The following LCORL variants were observed in gnomAD, a reference collection of about 807,000 sequenced individuals.
LCORL encodes the protein ligand dependent nuclear receptor corepressor like, also known as ligand-dependent nuclear receptor corepressor-like protein.
LCORL carries 41 observed loss-of-function variants against 141.8 expected under a neutral mutation model. The ratio of observed to expected loss-of-function variants is 0.29; its 90% CI spans 0.23 to 0.38. The LOEUF (loss-of-function observed/expected upper bound fraction) is 0.38. LCORL is among the 10% of genes least tolerant of loss of function. The pLI is 1.00. For missense variants in LCORL, 1,759 were observed against 2,035.0 expected (o/e 0.86, Z 2.61); for synonymous variants, 618 against 694.1 (o/e 0.89, Z 1.72).
At chr4:17,882,049 T>TA in intron 6 of LCORL, 1 of 984,036 alleles carries the variant, frequency 1.0e-6, no homozygotes, top group African/African-American at 1.7e-5. Context: ...GGGTTAAGTA[T>TA]AGATCTCAGA....
intron 4 of LCORL, among the ~76,000 whole-genome samples, chr4:17,914,606 AG>A (rs1160003757): frequency 2.6e-5 from 4 of 152,226 alleles, no homozygotes; most frequent in Non-Finnish European, 5.9e-5. Context: ...CTGGTTAGTC[AG>A]CCTCTTAAAT....
exon 7 of LCORL, chr4:17,876,036 T>C: frequency 8.1e-7 from 1 of 1,231,154 alleles, no homozygotes; most frequent in Non-Finnish European, 1.0e-6. Flanking sequence ...AACATTTGAA[T>C]GGGAAGTGCC....
At position 17,876,328 on chromosome 4, in the gene LCORL, T is replaced by C. The variant is rs1726918457; in HGVS notation, c.2662A>G (p.Thr888Ala). The change falls in exon 7 of 8, where the codon ACA becomes GCA. Residue 888 changes from threonine to alanine, a missense_variant. Physicochemically the swap from Thr to Ala is moderately conservative, Grantham distance 58 (BLOSUM62 0). Coordinates refer to ENST00000635767, the Ensembl canonical transcript of LCORL. ...TTTGATAAGCTCTGTTCTTTGCATG[T>C]CATTCTATTTAGAGTAAGAGTCATA... The C allele has an allele frequency of 5.7e-6, 7 of 1,231,074 alleles. No homozygotes were observed. In the South Asian group the frequency reaches 1.6e-4, roughly 29 times the overall value. The allele number at this position is 1,231,074 out of a possible 1,614,324, so 76.3% of individuals were successfully genotyped here.
chr4:17,964,445 C>T (rs779586782), intron 2 of LCORL, among the ~76,000 whole-genome samples: 3 of 151,976 alleles, frequency 2.0e-5, no homozygotes, highest in Admixed American at 6.6e-5. Flanking sequence ...AATTACCAGT[C>T]GTTATTTTTT....
Position 17,845,920 on chromosome 4 carries a change from G to C in LCORL, c.5603-19C>G. 1 of 1,571,844 alleles carries C rather than the reference G, an allele frequency of 6.4e-7. No homozygotes were observed. The highest frequency in any genetic ancestry group is 2.3e-5 in the East Asian group (1 of 44,192). On this transcript the variant is annotated intron_variant, in intron 7 of 7. Coordinates refer to ENST00000635767, the Ensembl canonical transcript of LCORL. ...TAGCATGCTGGAAGAAAAAGTGTAA[G>C]GCATTTTAGTTTTACTTTAATTTCA...
intron 4 of LCORL, among the ~76,000 whole-genome samples, chr4:17,916,188 C>T (rs1399049226): frequency 6.6e-6 from 1 of 152,190 alleles, no homozygotes; most frequent in Non-Finnish European, 1.5e-5. Context: ...TTCTTACACA[C>T]TGTTACGTTT....
intron 5 of LCORL, among the ~76,000 whole-genome samples, chr4:17,887,864 T>C (rs1225509863): frequency 6.6e-6 from 1 of 152,038 alleles, no homozygotes; most frequent in East Asian, 1.9e-4. Flanking sequence ...ACACTTGGAA[T>C]TGGTTTCCTC....
At chr4:17,997,213 T>G (rs1389445646) in intron 1 of LCORL, among the ~76,000 whole-genome samples, 2 of 152,180 alleles carry the variant, frequency 1.3e-5, no homozygotes, top group Non-Finnish European at 2.9e-5. Flanking sequence ...AAGTATGTAC[T>G]GGTCTAAATG....
chr4:17,879,211 A>G (rs554504366), intron 6 of LCORL, among the ~76,000 whole-genome samples: 34 of 151,328 alleles, frequency 2.2e-4, no homozygotes, highest in Non-Finnish European at 3.6e-4. Context: ...ATTAAAAATT[A>G]TAAGATTTTT....
chr4:18,003,190 G>A (rs1379076824), intron 1 of LCORL, among the ~76,000 whole-genome samples: 1 of 152,114 alleles, frequency 6.6e-6, no homozygotes, highest in Non-Finnish European at 1.5e-5. Flanking sequence ...GCAGAGCAAA[G>A]TACTTAAACA....
At chr4:17,922,618 AAG>A (rs1036525744) in intron 4 of LCORL, among the ~76,000 whole-genome samples, 1 of 152,176 alleles carries the variant, frequency 6.6e-6, no homozygotes, top group Non-Finnish European at 1.5e-5. Context: ...CCTGTCAAGA[AAG>A]AGCTGAAATT....
At chr4:17,933,235 T>C (rs898386521) in intron 4 of LCORL, among the ~76,000 whole-genome samples, 11 of 152,118 alleles carry the variant, frequency 7.2e-5, no homozygotes, top group African/African-American at 2.7e-4. Flanking sequence ...TTCAAATATA[T>C]TTCTGGAAAG....
intron 7 of LCORL, among the ~76,000 whole-genome samples, chr4:17,853,029 G>T (rs1723943178): frequency 6.7e-6 from 1 of 149,338 alleles, no homozygotes; most frequent in Non-Finnish European, 1.5e-5. Context: ...CTACGTACCA[G>T]GCAGTGTGCT....
At chr4:17,918,440 A>T (rs1310487687) in intron 4 of LCORL, among the ~76,000 whole-genome samples, 1 of 152,224 alleles carries the variant, frequency 6.6e-6, no homozygotes, top group African/African-American at 2.4e-5. Flanking sequence ...AGGTTCAAAG[A>T]ATGAAAGGAA....
chr4:17,847,559 T>C (rs1254646141), intron 7 of LCORL, among the ~76,000 whole-genome samples: 1 of 152,224 alleles, frequency 6.6e-6, no homozygotes, highest in East Asian at 1.9e-4. Flanking sequence ...GCATCAATAG[T>C]AGTAAACCAC....
chr4:17,855,261 T>G (rs1724217799), intron 7 of LCORL, among the ~76,000 whole-genome samples: 3 of 152,148 alleles, frequency 2.0e-5, no homozygotes, highest in African/African-American at 4.8e-5. Context: ...ATTTCTATAA[T>G]AAGGTATTCA....
intron 4 of LCORL, among the ~76,000 whole-genome samples, chr4:17,932,057 T>C (rs1736132300): frequency 6.6e-6 from 1 of 152,184 alleles, no homozygotes. Context: ...GCCGCTAATT[T>C]CTACCCTGGG....
exon 8 of LCORL, chr4:17,842,047 G>A (rs1188911469): frequency 2.8e-6 from 1 of 362,452 alleles, no homozygotes; most frequent in African/African-American, 2.1e-5. Context: ...ACTAAAATTT[G>A]CCTTCTTTTA....
intron 1 of LCORL, among the ~76,000 whole-genome samples, chr4:18,002,181 C>G (rs1052562377): frequency 4.6e-5 from 7 of 152,152 alleles, no homozygotes; most frequent in African/African-American, 1.7e-4. Flanking sequence ...AGTTACATCA[C>G]TGTTAATTTG....
Sources: allele counts gnomAD v4.1 joint callset (sites outside exome capture counted in the v4.1 genomes callset), GRCh38; gene constraint gnomAD v4.1.1; transcripts MANE v1.5; gene names NCBI Gene and HGNC (gene_info 2026-07-23, HGNC 2026-07-21).